Variants in ZNF469 observed in about 807,000 individuals in gnomAD.
ZNF469 encodes zinc finger protein 469.
In ZNF469, 1 loss-of-function variant was observed where a neutral mutation model predicts 1.0. The observed-to-expected ratio is 1.00, with a 90% CI of 0.35 to 4.73. The LOEUF (loss-of-function observed/expected upper bound fraction) is 4.73. Ranked by LOEUF, ZNF469 falls within the 30% of genes most tolerant of loss-of-function variation. The pLI, the probability that ZNF469 is intolerant of heterozygous loss-of-function variation, is 0.16. For missense variants in ZNF469, 6,100 were observed against 5,356.3 expected (o/e 1.14, Z -4.33); for synonymous variants, 2,703 against 2,363.4 (o/e 1.14, Z -4.17).
At chr16:88,238,285 A>G in the ZNF469 span, among the ~76,000 whole-genome samples, 3 of 152,170 alleles carry the variant, frequency 2.0e-5, no homozygotes, top group African/African-American at 7.2e-5. Flanking sequence ...GAAGGGAGAG[A>G]GGAATGAGCC....
Position 88,438,910 on chromosome 16 carries a change from A to G in ZNF469, c.11440A>G (p.Ser3814Gly). The change falls in exon 3 of 3, where the codon AGT (serine) becomes GGT (glycine). Residue 3814 changes from serine to glycine, a missense_variant. Ser to Gly is a moderately conservative substitution (Grantham distance 56, BLOSUM62 0). Transcript: ENST00000565624. ...SLGPKEKGES[S>G]TKRKKGQVPG... ...AGGTCCCAAGGAGAAGGGAGAGAGC[A>G]GTACGAAGAGGAAAAAGGGCCAGGT... The G allele has an allele frequency of 6.4e-7, 1 of 1,550,568 alleles. No homozygotes were observed.
the ZNF469 span, among the ~76,000 whole-genome samples, chr16:88,282,582 A>T: frequency 6.6e-6 from 1 of 152,168 alleles, no homozygotes; most frequent in Non-Finnish European, 1.5e-5. Context: ...AGTGTGTATA[A>T]GAGCTGGGGG....
At chr16:88,327,950 C>T in the ZNF469 span, among the ~76,000 whole-genome samples, 1 of 152,222 alleles carries the variant, frequency 6.6e-6, no homozygotes, top group African/African-American at 2.4e-5. Context: ...CGGGCTCCAT[C>T]ACGGCTGCAC....
At chr16:88,102,816 G>A in the ZNF469 span, among the ~76,000 whole-genome samples, 2 of 152,204 alleles carry the variant, frequency 1.3e-5, no homozygotes, top group East Asian at 1.9e-4. Context: ...CCTGATCGCC[G>A]CCTCCCCGCC....
At chr16:88,341,266 C>A in the ZNF469 span, among the ~76,000 whole-genome samples, 2 of 152,172 alleles carry the variant, frequency 1.3e-5, no homozygotes, top group African/African-American at 4.8e-5. Flanking sequence ...ATGCTGGGGG[C>A]CTGTACAGGG....
At chr16:88,291,314 A>G in the ZNF469 span, among the ~76,000 whole-genome samples, 3 of 152,128 alleles carry the variant, frequency 2.0e-5, no homozygotes, top group African/African-American at 7.2e-5. Flanking sequence ...ATTGGTCCCC[A>G]CTACACACAC....
rs1374638969 is a variant in ZNF469 at position 88,437,838 on chromosome 16, G to T, written c.10368G>T (p.Pro3456=). ...QPFAFRGVRR[P]GAPGQKARAL... is the part of the protein sequence containing the mutation. ...TCGCGTTCCGCGGCGTGCGGAGGCC[G>T]GGAGCGCCGGGACAGAAGGCCCGGG... Residue 3456 remains proline, a synonymous_variant, in exon 3 of 3, where the codon CCG becomes CCT. Transcript: ENST00000565624. 6.5e-7 allele frequency: 1 copy of T among 1,540,690 alleles called. No homozygotes were observed. The highest frequency in any genetic ancestry group is 8.8e-7 in the Non-Finnish European group (1 of 1,139,958).
Position 88,438,902 on chromosome 16 carries a change from G to C in ZNF469, c.11432G>C (p.Gly3811Ala), listed in dbSNP as rs936249767. The change falls in exon 3 of 3, where the codon GGA becomes GCA. Residue 3811 changes from glycine (G) to alanine (A), a missense_variant. By Grantham distance (60) the Gly-to-Ala change is moderately conservative. Transcript: ENST00000565624. ...PHGSLGPKEKGESSTKRKKGQ... is the reference protein window; with the variant it reads ...PHGSLGPKEKAESSTKRKKGQ... The stretch of plus-strand genomic sequence containing the variant: ...GGGAGCCTAGGTCCCAAGGAGAAGG[G>C]AGAGAGCAGTACGAAGAGGAAAAAG... 2 of 1,550,580 alleles carry C rather than the reference G, an allele frequency of 1.3e-6. No individual in the cohort carries two copies. Among genetic ancestry groups the C allele is most frequent in the African/African-American group, 1.4e-5 (1 of 73,174 alleles).
At chr16:88,202,847 G>T in the ZNF469 span, among the ~76,000 whole-genome samples, 3 of 152,310 alleles carry the variant, frequency 2.0e-5, no homozygotes, top group Non-Finnish European at 4.4e-5. Context: ...GGGAGGCCAG[G>T]TCAGGTCCCT....
chr16:88,240,382 G>C, the ZNF469 span, among the ~76,000 whole-genome samples: 1 of 152,218 alleles, frequency 6.6e-6, no homozygotes, highest in Non-Finnish European at 1.5e-5. Context: ...CAGAGAAAGA[G>C]CATGGTGGGA....
At chr16:88,274,757 T>G in the ZNF469 span, among the ~76,000 whole-genome samples, 1 of 152,244 alleles carries the variant, frequency 6.6e-6, no homozygotes, top group Admixed American at 6.5e-5. Context: ...TAAAGGACAC[T>G]TCTTTCACCG....
chr16:88,142,008 C>G, the ZNF469 span, among the ~76,000 whole-genome samples: 3 of 152,194 alleles, frequency 2.0e-5, no homozygotes, highest in Non-Finnish European at 2.9e-5. Flanking sequence ...CAGGAGGCTA[C>G]GCAGACAGGC....
Position 88,433,374 on chromosome 16 carries a change from T to A in ZNF469, c.5904T>A (p.Pro1968=). 6.5e-7 allele frequency: 1 copy of A among 1,550,308 alleles called. No individual in the cohort carries two copies. The highest frequency in any genetic ancestry group is 1.2e-5 in the South Asian group (1 of 84,064). ...SPGGVQVTTL[P]AVAGHQLGLE... ...GGGGTGTGCAGGTGACAACTCTCCC[T>A]GCAGTGGCCGGACATCAGCTGGGGC... Residue 1968 remains proline, a synonymous_variant, in exon 3 of 3, where the codon CCT becomes CCA. Coordinates refer to ENST00000565624, the MANE Select transcript of ZNF469 (RefSeq NM_001367624.2).
At chr16:88,360,149 C>T in the ZNF469 span, among the ~76,000 whole-genome samples, 247 of 151,152 alleles carry the variant, frequency 1.6e-3, no homozygotes, top group African/African-American at 4.5e-3. Flanking sequence ...AAACCACACC[C>T]GGCTGGGATT....
chr16:88,390,318 G>T (rs552835531), intron 1 of ZNF469, among the ~76,000 whole-genome samples: 42 of 152,276 alleles, frequency 2.8e-4, no homozygotes, highest in African/African-American at 9.4e-4. Flanking sequence ...ACTGGCAGGG[G>T]CCCCATGGCT....
chr16:88,305,374 G>A, the ZNF469 span, among the ~76,000 whole-genome samples: 34 of 88,460 alleles, frequency 3.8e-4, no homozygotes, highest in East Asian at 3.0e-3. Context: ...ACAGGCACAC[G>A]CATGCACACC....
intron 1 of ZNF469, among the ~76,000 whole-genome samples, chr16:88,419,698 C>T (rs1478537928): frequency 6.6e-6 from 1 of 152,226 alleles, no homozygotes; most frequent in Non-Finnish European, 1.5e-5. Flanking sequence ...CTCAACGTTC[C>T]TCCAACAGCC....
At chr16:88,319,499 T>A in the ZNF469 span, among the ~76,000 whole-genome samples, 2 of 143,052 alleles carry the variant, frequency 1.4e-5, no homozygotes, top group Non-Finnish European at 3.0e-5. Flanking sequence ...GCACAGGCCC[T>A]GCTGATGCGC....
chr16:88,195,850 T>C, the ZNF469 span, among the ~76,000 whole-genome samples: 1 of 152,214 alleles, frequency 6.6e-6, no homozygotes, highest in Admixed American at 6.5e-5. Context: ...CCATGTCAAC[T>C]GGTCAGGACA....
Sources: gnomAD v4.1 joint callset for allele counts (sites outside exome capture counted in the v4.1 genomes callset) on GRCh38, gnomAD v4.1.1 for gene constraint, MANE v1.5 for transcripts, NCBI Gene and HGNC (gene_info 2026-07-23, HGNC 2026-07-21) for gene names.